LRRTM3: variants seen among roughly 807,000 people sequenced by gnomAD.
The protein encoded by LRRTM3 is leucine-rich repeat transmembrane neuronal protein 3.
In LRRTM3, 24 loss-of-function variants were observed where a neutral mutation model predicts 44.7. The observed-to-expected ratio is 0.54, with a 90% CI of 0.39 to 0.76. LRRTM3 has a LOEUF of 0.76. Ranked by LOEUF, LRRTM3 falls within the 30% of genes least tolerant of loss-of-function variation. LRRTM3 has a pLI of 0.00. For synonymous variants in LRRTM3, 277 were observed against 278.7 expected (o/e 0.99, Z 0.06); for missense variants, 587 against 702.2 (o/e 0.84, Z 1.85).
intron 2 of LRRTM3, among the ~76,000 whole-genome samples, chr10:67,075,140 G>A (rs545600481): frequency 2.6e-4 from 38 of 148,842 alleles, no homozygotes; most frequent in Non-Finnish European, 5.2e-4. Flanking sequence ...ATACAAATTT[G>A]GTTGTTTTGT....
At chr10:67,083,250 G>A (rs1331697616) in intron 2 of LRRTM3, among the ~76,000 whole-genome samples, 4 of 152,058 alleles carry the variant, frequency 2.6e-5, no homozygotes, top group Non-Finnish European at 5.9e-5. Context: ...TGCAGGCTTA[G>A]CACCATAACA....
intron 2 of LRRTM3, among the ~76,000 whole-genome samples, chr10:67,079,383 T>A (rs991058710): frequency 6.6e-6 from 1 of 152,224 alleles, no homozygotes; most frequent in African/African-American, 2.4e-5. Context: ...AGTTCCTAGA[T>A]ATAATATCTA....
intron 2 of LRRTM3, among the ~76,000 whole-genome samples, chr10:66,981,881 G>T (rs1055522950): frequency 6.6e-6 from 1 of 152,102 alleles, no homozygotes; most frequent in Non-Finnish European, 1.5e-5. Flanking sequence ...CCACTTACTT[G>T]CTCCCAAAGT....
intron 2 of LRRTM3, among the ~76,000 whole-genome samples, chr10:67,013,229 C>T (rs1263084595): frequency 6.6e-6 from 1 of 151,420 alleles, no homozygotes; most frequent in East Asian, 1.9e-4. Flanking sequence ...GGTGTCTGTC[C>T]TTAATACTCT....
At chr10:67,083,503 A>G (rs1170125057) in intron 2 of LRRTM3, among the ~76,000 whole-genome samples, 1 of 152,146 alleles carries the variant, frequency 6.6e-6, no homozygotes, top group Non-Finnish European at 1.5e-5. Flanking sequence ...ACATTTCAAC[A>G]ATGTGCTAAT....
chr10:67,041,979 T>C (rs962290773), intron 2 of LRRTM3, among the ~76,000 whole-genome samples: 5 of 152,102 alleles, frequency 3.3e-5, no homozygotes, highest in African/African-American at 9.7e-5. Flanking sequence ...GCATATATAG[T>C]AGTTTGATAA....
chr10:67,082,700 C>A (rs1285793494), intron 2 of LRRTM3, among the ~76,000 whole-genome samples: 1 of 152,130 alleles, frequency 6.6e-6, no homozygotes, highest in Non-Finnish European at 1.5e-5. Context: ...CCTAAAGATA[C>A]ATCCTTTTTT....
Position 67,097,741 on chromosome 10 carries a change from T to G in LRRTM3, c.1691T>G (p.Leu564Arg). The change falls in exon 3 of 3, where the codon CTG (leucine) becomes CGG (arginine). Residue 564 changes from leucine to arginine, a missense_variant. Transcript: ENST00000361320. ...METHLETELD[L>R]STITTAGRIS... The stretch of plus-strand genomic sequence containing the variant: ...ACACACCTAGAGACTGAGCTGGACC[T>G]GAGCACAATCACAACAGCTGGCCGA... 6.2e-7 allele frequency: 1 copy of G among 1,612,620 alleles called. No homozygotes were observed. The highest frequency in any genetic ancestry group is 8.5e-7 in the Non-Finnish European group (1 of 1,179,038).
intron 2 of LRRTM3, among the ~76,000 whole-genome samples, chr10:67,072,206 A>T (rs977017398): frequency 1.3e-5 from 2 of 152,050 alleles, no homozygotes; most frequent in Non-Finnish European, 2.9e-5. Flanking sequence ...CTTCCACCTT[A>T]GCCTCCCAAA....
intron 2 of LRRTM3, among the ~76,000 whole-genome samples, chr10:66,965,550 A>G (rs539026098): frequency 3.9e-5 from 1 of 25,792 alleles, no homozygotes; most frequent in African/African-American, 8.4e-5. Flanking sequence ...GAAAGAAAAG[A>G]AAAAAAAAAA....
chr10:66,957,033 C>T (rs1589489367), intron 2 of LRRTM3, among the ~76,000 whole-genome samples: 1 of 152,176 alleles, frequency 6.6e-6, no homozygotes, highest in Non-Finnish European at 1.5e-5. Context: ...AGTGGACAAA[C>T]AGCCATAATG....
intron 2 of LRRTM3, among the ~76,000 whole-genome samples, chr10:67,095,451 T>TA (rs970735963): frequency 6.6e-6 from 1 of 151,832 alleles, no homozygotes; most frequent in African/African-American, 2.4e-5. Context: ...GTGGGATTTT[T>TA]AAAACAGATC....
Position 67,057,324 on chromosome 10 carries a change from C to T in LRRTM3, c.1537-40263C>T, listed in dbSNP as rs12251999. Among the ~76,000 whole-genome samples, 472 of 152,168 alleles carry T rather than the reference C, an allele frequency of 3.1e-3. 1 individual carries two copies. The highest frequency in any genetic ancestry group is 0.011 in the African/African-American group (456 of 41,544). ...ACTTTCTTAGCATATGTCAAGTATACTCTAAGTTATTATTAACTATAGTCA... is the reference window on the plus strand; with the variant it reads ...ACTTTCTTAGCATATGTCAAGTATATTCTAAGTTATTATTAACTATAGTCA... On this transcript the variant is annotated intron_variant, in intron 2 of 2. Transcript: ENST00000361320.
At chr10:67,011,249 G>A (rs1038088659) in intron 2 of LRRTM3, among the ~76,000 whole-genome samples, 2 of 151,366 alleles carry the variant, frequency 1.3e-5, no homozygotes, top group Non-Finnish European at 2.9e-5. Flanking sequence ...GCTGAGGCAG[G>A]AGAATTGCTT....
At chr10:67,044,047 G>A (rs1333705611) in intron 2 of LRRTM3, among the ~76,000 whole-genome samples, 1 of 151,852 alleles carries the variant, frequency 6.6e-6, no homozygotes, top group African/African-American at 2.4e-5. Flanking sequence ...CATCACCCAG[G>A]TAGTAAACAT....
intron 2 of LRRTM3, among the ~76,000 whole-genome samples, chr10:66,996,429 T>C (rs1263393587): frequency 6.6e-6 from 1 of 152,040 alleles, no homozygotes; most frequent in Non-Finnish European, 1.5e-5. Context: ...GCAGATTGCC[T>C]GGGCTCAGGA....
At chr10:67,021,728 T>C (rs1395684354) in intron 2 of LRRTM3, among the ~76,000 whole-genome samples, 1 of 152,186 alleles carries the variant, frequency 6.6e-6, no homozygotes, top group Non-Finnish European at 1.5e-5. Context: ...AAATTTCCTC[T>C]TAAGATTTCT....
At chr10:67,065,232 T>C (rs961363816) in intron 2 of LRRTM3, among the ~76,000 whole-genome samples, 1 of 152,188 alleles carries the variant, frequency 6.6e-6, no homozygotes, top group Non-Finnish European at 1.5e-5. Flanking sequence ...AATCCCACGT[T>C]GACCATACAC....
chr10:66,996,591 TG>T (rs1478599137), intron 2 of LRRTM3, among the ~76,000 whole-genome samples: 3 of 125,764 alleles, frequency 2.4e-5, no homozygotes, highest in African/African-American at 9.1e-5. Context: ...GAGGTTGCAG[TG>T]GGTCAAGATC....
Sources: gnomAD v4.1 joint callset for allele counts (sites outside exome capture counted in the v4.1 genomes callset) on GRCh38, gnomAD v4.1.1 for gene constraint, MANE v1.5 for transcripts, NCBI Gene and HGNC (gene_info 2026-07-23, HGNC 2026-07-21) for gene names.